The following LONP1 variants were observed in gnomAD, a reference collection of about 807,000 sequenced individuals.
LONP1 encodes lon peptidase 1, mitochondrial.
LONP1 carries 31 observed loss-of-function variants against 98.5 expected under a neutral mutation model. The ratio of observed to expected loss-of-function variants is 0.31; its 90% CI spans 0.24 to 0.42. The LOEUF (loss-of-function observed/expected upper bound fraction) is 0.42. Among genes scored for constraint, LONP1 ranks in the 20% least tolerant of loss-of-function variants. The pLI is 1.00. For synonymous variants in LONP1, 781 were observed against 594.7 expected (o/e 1.31, Z -4.56); for missense variants, 1,336 against 1,350.6 (o/e 0.99, Z 0.17).
chr19:5,697,020 A>G (rs2054944120), intron 10 of LONP1, among the ~76,000 whole-genome samples: 1 of 152,172 alleles, frequency 6.6e-6, no homozygotes, highest in Non-Finnish European at 1.5e-5. Context: ...AGCTGACACC[A>G]TGGTGAAAGC....
chr19:5,694,221 TTCCCC>T (rs2054882719), intron 15 of LONP1, among the ~76,000 whole-genome samples, 161 bp downstream of exon 15: 1 of 152,056 alleles, frequency 6.6e-6, no homozygotes, highest in African/African-American at 2.4e-5. Context: ...TGTCACAGCC[TTCCCC>T]TCCCTCAGCC....
chr19:5,717,904 T>C (rs1471500236), intron 1 of LONP1, among the ~76,000 whole-genome samples: 1 of 150,792 alleles, frequency 6.6e-6, no homozygotes, highest in Non-Finnish European at 1.5e-5. Flanking sequence ...TTTTTTTTTT[T>C]TTTTGTAGAG....
intron 5 of LONP1, 181 bp downstream of exon 5, chr19:5,708,161 G>GGCCCCGGGCCTCCCACCT (rs1276488658): frequency 3.1e-6 from 2 of 642,272 alleles, no homozygotes; most frequent in African/African-American, 1.8e-5. Flanking sequence ...CTGCTGAGTC[G>GGCCCCGGGCCTCCCACCT]GCCCCGGGCC....
intron 4 of LONP1, 88 bp from the exon 5 acceptor site, chr19:5,708,491 C>A: frequency 8.3e-7 from 1 of 1,204,720 alleles, no homozygotes. Flanking sequence ...GGAGCCCCAC[C>A]CACCAGCTCC....
intron 4 of LONP1, among the ~76,000 whole-genome samples, chr19:5,711,208 ATGACACCAGGCACACAGGTAAGGAGC>A (rs1255475399): frequency 1.3e-5 from 2 of 152,164 alleles, no homozygotes; most frequent in African/African-American, 2.4e-5. Flanking sequence ...GAAGAGGCTG[ATGACACCAGGCACACAGGTAAGGAGC>A]TGACACGCTT....
At chr19:5,714,148 C>T (rs759134236) in intron 2 of LONP1, 35 bp downstream of exon 2, 31 of 1,543,934 alleles carry the variant, frequency 2.0e-5, no homozygotes, top group Non-Finnish European at 2.7e-5. Context: ...TCTAGGGCAC[C>T]GTCAACAAGG....
At position 5,711,903 on chromosome 19, in the gene LONP1, C is replaced by T. The variant is rs1035298522; in HGVS notation, c.738G>A (p.Ala246=). The T allele has an allele frequency of 6.2e-6, 10 of 1,612,980 alleles. No homozygotes were observed. Among genetic ancestry groups the T allele is most frequent in the Admixed American group, 1.7e-5 (1 of 59,998 alleles). The change falls in exon 4 of 18, where the codon GCG becomes GCA. Residue 246 remains alanine (A), a synonymous_variant. Transcript: ENST00000360614. ...RRKSKRGKKE[A]EDELSARHPA... ...GGTGCCTGGCGCTCAGCTCGTCCTC[C>T]GCCTCCTTCTTGCCCCGCTTTGACT...
upstream of LONP1, chr19:5,720,388 A>C (rs2055425935): frequency 1.7e-6 from 1 of 596,622 alleles, no homozygotes. Flanking sequence ...CAGCGCCCGT[A>C]CAAAACACTG....
At position 5,691,973 on chromosome 19, in the gene LONP1, C is replaced by T. The variant is rs949277468; in HGVS notation, c.*59G>A. 9.6e-6 allele frequency: 15 copies of T among 1,560,914 alleles called. No homozygotes were observed. Among genetic ancestry groups the T allele is most frequent in the South Asian group, 4.8e-5 (4 of 83,092 alleles). On this transcript the variant is annotated 3_prime_UTR_variant, in exon 18 of 18. Coordinates refer to ENST00000360614, the MANE Select transcript of LONP1 (RefSeq NM_004793.4). The stretch of plus-strand genomic sequence containing the variant: ...CCAGGTCCGGGCGCGCTCCCCACAG[C>T]GCTCAGTTCTGGCCCAGACAGGGCC...
intron 8 of LONP1, among the ~76,000 whole-genome samples, chr19:5,702,068 A>AGGGAGGTAGGGAGGTG (rs1555711214): frequency 5.6e-4 from 82 of 146,148 alleles, no homozygotes; most frequent in Middle Eastern, 3.6e-3. Context: ...CCCGTCCGGG[A>AGGGAGGTAGGGAGGTG]GGGAGGTGGG....
rs188155859 is a variant in LONP1, at chr19:5,711,877, G to A, written c.764C>T (p.Pro255Leu). 16 of 1,612,968 alleles carry A rather than the reference G, an allele frequency of 9.9e-6. No homozygotes were observed. Among genetic ancestry groups the A allele is most frequent in the African/African-American group, 5.3e-5 (4 of 75,046 alleles). ...EAEDELSARH[P>L]AELAMEPTPE... ...GGTGGGCTCCATCGCCAGCTCCGCC[G>A]GGTGCCTGGCGCTCAGCTCGTCCTC... Residue 255 changes from proline to leucine, a missense_variant, in exon 4 of 18, where the codon CCG (proline) becomes CTG (leucine). This residue lies in a region of LONP1 where 457 missense variants were observed against 403.1 expected (regional missense o/e 1.13). Transcript: ENST00000360614.
intron 17 of LONP1, among the ~76,000 whole-genome samples, chr19:5,693,040 G>A (rs1371334415): frequency 6.6e-6 from 1 of 152,164 alleles, no homozygotes; most frequent in Admixed American, 6.5e-5. Flanking sequence ...TGGGCTGCCT[G>A]GGAAGAGAAG....
intron 14 of LONP1, 93 bp downstream of exon 14, chr19:5,694,668 G>A (rs756557031): frequency 5.8e-6 from 9 of 1,565,182 alleles, no homozygotes; most frequent in Non-Finnish European, 7.8e-6. Context: ...GATGGGCGCA[G>A]GAAAGTGGGA....
rs962359755 is a variant in LONP1 at position 5,701,065 on chromosome 19, G to A, written c.1368-138C>T. On this transcript the variant is annotated intron_variant, in intron 8 of 17. Coordinates refer to ENST00000360614, the MANE Select transcript of LONP1 (RefSeq NM_004793.4). ...GCGGTGGCTCACGCCTGTAATCCCA[G>A]CTCTTTGGGAGGCCCAGGTGGGAGG... 5 of 943,634 alleles carry A rather than the reference G, an allele frequency of 5.3e-6. No homozygotes were observed. In the African/African-American group the frequency reaches 8.1e-5, roughly 15 times the overall value. The allele number at this position is 943,634 out of a possible 1,614,324, so 58.5% of individuals were successfully genotyped here. A position where few individuals can be genotyped will look rare whatever the true frequency, so the allele number is the denominator to read the frequency against.
At position 5,696,610 on chromosome 19, in the gene LONP1, G is replaced by A. The variant is rs892884949; in HGVS notation, c.1773+60C>T. 1.2e-4 allele frequency: 190 copies of A among 1,537,854 alleles called. 1 individual carries two copies. The highest frequency in any genetic ancestry group is 2.0e-4 in the African/African-American group (15 of 73,246). Reference sequence around the variant, plus strand: ...GGGGATCCTAGGACCCGGAAGGCTCGGCTTCATCTTGCACACGGCATTGCC... The same window carrying A: ...GGGGATCCTAGGACCCGGAAGGCTCAGCTTCATCTTGCACACGGCATTGCC... On this transcript the variant is annotated intron_variant, in intron 11 of 17. Coordinates refer to ENST00000360614, the MANE Select transcript of LONP1 (RefSeq NM_004793.4).
In LONP1 at chr19:5,694,410, A is replaced by G; in HGVS notation, c.2297T>C (p.Met766Thr). ...MYDVTPPGVV[M>T]GLAWTAMGGS... ...ACCCATTGCGGTCCAGGCCAGCCCC[A>G]TGACCACGCCGGGCGGTGTCACGTC... Residue 766 changes from methionine (M) to threonine (T), a missense_variant, in exon 15 of 18, where the codon ATG becomes ACG. Physicochemically the swap from Met to Thr is moderately conservative, Grantham distance 81. This residue lies in a region of LONP1 where 555 missense variants were observed against 542.6 expected (regional missense o/e 1.02). Transcript: ENST00000360614. 6.2e-7 allele frequency: 1 copy of G among 1,613,414 alleles called. No homozygotes were observed. Among genetic ancestry groups the G allele is most frequent in the Non-Finnish European group, 8.5e-7 (1 of 1,179,968 alleles).
rs929974299 is a variant in LONP1, at chr19:5,699,924, T to C, written c.1507-719A>G. The stretch of plus-strand genomic sequence containing the variant: ...CTGGTTTCCAATGTCTCAGGAGTGA[T>C]ATTTTAAAAATTAATTTAAAATTAA... On this transcript the variant is annotated intron_variant, in intron 9 of 17. Transcript: ENST00000360614. Among the ~76,000 whole-genome samples the C allele has an allele frequency of 3.3e-5, 5 of 152,094 alleles. No homozygotes were observed. In the South Asian group the frequency reaches 8.3e-4, roughly 25 times the overall value.
At chr19:5,697,054 G>C (rs2054944931) in intron 10 of LONP1, among the ~76,000 whole-genome samples, 2 of 152,188 alleles carry the variant, frequency 1.3e-5, no homozygotes, top group Non-Finnish European at 2.9e-5. Context: ...GCAGCAGAAG[G>C]CCCCCACTCC....
chr19:5,696,778 CA>C (rs775939635), intron 10 of LONP1, 21 bp from the exon 11 acceptor site: 3 of 1,576,294 alleles, frequency 1.9e-6, no homozygotes. Flanking sequence ...ACAGCGGGGT[CA>C]GAGGTCACTT....
Sources: gnomAD v4.1 joint callset for allele counts (sites outside exome capture counted in the v4.1 genomes callset) on GRCh38, gnomAD v4.1.1 for gene constraint, gnomAD v4.1.1 regional missense constraint, MANE v1.5 for transcripts, NCBI Gene and HGNC (gene_info 2026-07-23, HGNC 2026-07-21) for gene names.